The following ARHGAP15 variants were observed in gnomAD, a reference collection of about 807,000 sequenced individuals.
ARHGAP15 encodes the protein Rho GTPase activating protein 15, also known as rho GTPase-activating protein 15.
Under a neutral mutation model 63.7 loss-of-function variants are expected in ARHGAP15, and 51 were observed. The observed-to-expected ratio is 0.80, with a 90% confidence interval of 0.64 to 1.01. The LOEUF (loss-of-function observed/expected upper bound fraction) is 1.01. Among genes scored for constraint, ARHGAP15 ranks in the 50% least tolerant of loss-of-function variants. ARHGAP15 has a pLI of 0.00. For missense variants in ARHGAP15, 560 were observed against 564.6 expected (o/e 0.99, Z 0.08); for synonymous variants, 191 against 193.8 (o/e 0.99, Z 0.12).
At chr2:143,509,848 C>T (rs1279266383) in intron 9 of ARHGAP15, among the ~76,000 whole-genome samples, 1 of 151,664 alleles carries the variant, frequency 6.6e-6, no homozygotes, top group Non-Finnish European at 1.5e-5. Flanking sequence ...TGGTGAAACC[C>T]CATCTCAACT....
At chr2:143,307,902 C>T (rs910049719) in intron 6 of ARHGAP15, among the ~76,000 whole-genome samples, 1 of 152,046 alleles carries the variant, frequency 6.6e-6, no homozygotes, top group Non-Finnish European at 1.5e-5. Context: ...TTCATGGATT[C>T]TTATATTTGT....
intron 12 of ARHGAP15, among the ~76,000 whole-genome samples, chr2:143,684,829 C>G (rs1683256155): frequency 6.6e-6 from 1 of 152,168 alleles, no homozygotes; most frequent in South Asian, 2.1e-4. Flanking sequence ...GTCTCAGGAA[C>G]AGTAATCCTT....
intron 8 of ARHGAP15, among the ~76,000 whole-genome samples, chr2:143,462,229 T>C (rs1234263597): frequency 6.6e-6 from 1 of 152,124 alleles, no homozygotes; most frequent in Non-Finnish European, 1.5e-5. Context: ...GTAAATAAAG[T>C]AAACTATAAT....
At position 143,269,412 on chromosome 2, in the gene ARHGAP15, A is replaced by G. The variant is rs192818873; in HGVS notation, c.474+18812A>G. Among the ~76,000 whole-genome samples, 298 of 152,304 alleles carry G rather than the reference A, an allele frequency of 2.0e-3. 1 individual carries two copies. The highest frequency in any genetic ancestry group is 6.9e-3 in the African/African-American group (285 of 41,576). Reference sequence around the variant, plus strand: ...TCTTCAGTTCCTAAATTTCACTATCATAGTGATTTGATTGTATTTTTTATA... The same window carrying G: ...TCTTCAGTTCCTAAATTTCACTATCGTAGTGATTTGATTGTATTTTTTATA... On this transcript the variant is annotated intron_variant, in intron 6 of 13. Transcript: ENST00000295095.
At chr2:143,242,441 A>G (rs1693901067) in intron 5 of ARHGAP15, among the ~76,000 whole-genome samples, 1 of 152,248 alleles carries the variant, frequency 6.6e-6, no homozygotes, top group Admixed American at 6.5e-5. Flanking sequence ...GTAAGACTAT[A>G]TCAGTTGAGA....
chr2:143,165,994 G>GAAAGAA (rs1553442866), intron 2 of ARHGAP15, among the ~76,000 whole-genome samples: 1 of 129,830 alleles, frequency 7.7e-6, no homozygotes, highest in African/African-American at 3.0e-5. Flanking sequence ...AAGAAAGAAA[G>GAAAGAA]AAAGAAAGAA....
At chr2:143,413,791 T>C (rs188177580) in intron 6 of ARHGAP15, among the ~76,000 whole-genome samples, 2 of 152,210 alleles carry the variant, frequency 1.3e-5, no homozygotes, top group East Asian at 1.9e-4. Flanking sequence ...AGCTTTTCAA[T>C]GCAGAATGCC....
chr2:143,651,172 AG>A (rs1198932901), intron 12 of ARHGAP15, among the ~76,000 whole-genome samples: 5 of 152,008 alleles, frequency 3.3e-5, no homozygotes, highest in Non-Finnish European at 5.9e-5. Flanking sequence ...TTTCAATAAA[AG>A]CTATAGTAAT....
intron 6 of ARHGAP15, among the ~76,000 whole-genome samples, chr2:143,333,917 A>G (rs904572651): frequency 6.6e-6 from 1 of 152,200 alleles, no homozygotes; most frequent in African/African-American, 2.4e-5. Context: ...ATAAAATCCT[A>G]AAAGTGTAAT....
At chr2:143,526,106 C>A (rs932141822) in intron 10 of ARHGAP15, among the ~76,000 whole-genome samples, 1 of 151,386 alleles carries the variant, frequency 6.6e-6, no homozygotes, top group African/African-American at 2.5e-5. Context: ...ACTCTGTATA[C>A]GGAGCTGGTT....
chr2:143,278,215 C>A (rs996596313), intron 6 of ARHGAP15, among the ~76,000 whole-genome samples: 3 of 152,108 alleles, frequency 2.0e-5, no homozygotes, highest in Non-Finnish European at 4.4e-5. Flanking sequence ...CTGCATGTTG[C>A]CTATTGCCGG....
In ARHGAP15 at chr2:143,330,115, A is replaced by T. The variant is rs1412799728; in HGVS notation, c.474+79515A>T. 3.6e-4 allele frequency among the ~76,000 whole-genome samples: 31 copies of T among 86,180 alleles called. 2 individuals carry two copies. The highest frequency in any genetic ancestry group is 9.8e-4 in the East Asian group (3 of 3,056). 56.5% of individuals were successfully genotyped at this position (86,180 alleles called of 152,430 possible). ...GTCTCAAAAAAAAAAAAAAAAAAAA[A>T]AAAAAAAAAAAAAAAACCAAAAACA... On this transcript the variant is annotated intron_variant, in intron 6 of 13. Coordinates refer to ENST00000295095, the MANE Select transcript of ARHGAP15 (RefSeq NM_018460.4).
intron 12 of ARHGAP15, among the ~76,000 whole-genome samples, chr2:143,626,710 G>A (rs2105246022): frequency 6.6e-6 from 1 of 152,182 alleles, no homozygotes; most frequent in South Asian, 2.1e-4. Flanking sequence ...ATTTTACAGA[G>A]CACTGGTTGG....
chr2:143,329,558 A>C (rs1350005873), intron 6 of ARHGAP15, among the ~76,000 whole-genome samples: 1 of 152,150 alleles, frequency 6.6e-6, no homozygotes, highest in African/African-American at 2.4e-5. Context: ...AACCTGTGAG[A>C]TCTCAAAGAG....
chr2:143,409,846 AGT>A (rs1177878440), intron 6 of ARHGAP15, among the ~76,000 whole-genome samples: 2 of 152,120 alleles, frequency 1.3e-5, no homozygotes, highest in Non-Finnish European at 2.9e-5. Context: ...GGTTTGTGTA[AGT>A]GTACACTCTA....
chr2:143,728,956 G>C (rs1009146003), intron 13 of ARHGAP15, among the ~76,000 whole-genome samples: 2 of 152,186 alleles, frequency 1.3e-5, no homozygotes, highest in African/African-American at 4.8e-5. Flanking sequence ...GCACTGGGAA[G>C]TGCAGTGAAA....
chr2:143,649,194 T>C (rs1040486215), intron 12 of ARHGAP15, among the ~76,000 whole-genome samples: 5 of 151,938 alleles, frequency 3.3e-5, no homozygotes, highest in Admixed American at 2.6e-4. Context: ...ATCATCAGTG[T>C]AACCAGTTGC....
chr2:143,388,419 G>T (rs2381471), intron 6 of ARHGAP15, among the ~76,000 whole-genome samples: 151,997 of 152,324 alleles, frequency 1, 75,836 homozygotes, highest in Middle Eastern at 1. Context: ...TCACTGAATT[G>T]GCACTCTAAC....
intron 6 of ARHGAP15, among the ~76,000 whole-genome samples, chr2:143,403,202 A>C (rs1004716154): frequency 2.0e-5 from 3 of 151,460 alleles, no homozygotes. Context: ...ATTATTTTTT[A>C]TTTTTTTTCT....
Sources: allele counts gnomAD v4.1 joint callset (sites outside exome capture counted in the v4.1 genomes callset), GRCh38; gene constraint gnomAD v4.1.1; transcripts MANE v1.5; gene names NCBI Gene and HGNC (gene_info 2026-07-23, HGNC 2026-07-21).